CDKAL1: variants seen among roughly 807,000 people sequenced by gnomAD.
CDKAL1 encodes CDKAL1 threonylcarbamoyladenosine tRNA methylthiotransferase, also known as threonylcarbamoyladenosine tRNA methylthiotransferase.
In CDKAL1, 32 loss-of-function variants were observed where a neutral mutation model predicts 68.2. The ratio of observed to expected loss-of-function variants is 0.47; its 90% CI spans 0.35 to 0.63. The LOEUF (loss-of-function observed/expected upper bound fraction) is 0.63. Among genes scored for constraint, CDKAL1 ranks in the 30% least tolerant of loss-of-function variants. CDKAL1 has a pLI of 0.00. For synonymous variants in CDKAL1, 234 were observed against 244.3 expected, an observed-to-expected ratio of 0.96 and a Z score of 0.39; for missense variants, 606 against 696.7, an observed-to-expected ratio of 0.87 and a Z score of 1.47.
chr6:20,945,757 C>G (rs1032099295), intron 9 of CDKAL1, among the ~76,000 whole-genome samples: 1 of 152,200 alleles, frequency 6.6e-6, no homozygotes, highest in Non-Finnish European at 1.5e-5. Flanking sequence ...TTCTTTCCCT[C>G]TAGGTGATAC....
intron 9 of CDKAL1, among the ~76,000 whole-genome samples, chr6:20,920,869 GGCAGTCAGGAA>G: frequency 6.6e-6 from 1 of 152,274 alleles, no homozygotes. Flanking sequence ...TTTGGAATAT[GGCAGTCAGGAA>G]GCAGTGTTAC....
chr6:20,582,130 A>G (rs1398663434), intron 4 of CDKAL1, among the ~76,000 whole-genome samples: 1 of 152,194 alleles, frequency 6.6e-6, no homozygotes, highest in East Asian at 1.9e-4. Context: ...TTACATTTAT[A>G]TGAAGTAAAA....
chr6:20,770,813 A>C (rs1361472437), intron 7 of CDKAL1, among the ~76,000 whole-genome samples: 2 of 152,226 alleles, frequency 1.3e-5, no homozygotes, highest in Non-Finnish European at 2.9e-5. Flanking sequence ...AGTCAAAAGC[A>C]GGAAATCTAG....
chr6:20,874,601 C>T (rs868087400), intron 9 of CDKAL1, among the ~76,000 whole-genome samples: 1 of 151,948 alleles, frequency 6.6e-6, no homozygotes, highest in East Asian at 1.9e-4. Context: ...CTGCAACCTC[C>T]GCCTCCAGGT....
intron 11 of CDKAL1, among the ~76,000 whole-genome samples, chr6:21,006,934 G>A (rs1767756237): frequency 6.6e-6 from 1 of 151,864 alleles, no homozygotes; most frequent in African/African-American, 2.4e-5. Flanking sequence ...CATTTTTCCT[G>A]CCTCAGTGGT....
intron 4 of CDKAL1, among the ~76,000 whole-genome samples, chr6:20,564,380 A>T (rs193301700): frequency 1.3e-5 from 2 of 152,352 alleles, no homozygotes; most frequent in Non-Finnish European, 2.9e-5. Flanking sequence ...ATACCAAAAG[A>T]TGGCACTGTT....
At chr6:20,778,971 A>C (rs894409293) in intron 7 of CDKAL1, among the ~76,000 whole-genome samples, 2 of 152,212 alleles carry the variant, frequency 1.3e-5, no homozygotes, top group Admixed American at 1.3e-4. Context: ...TCAAGTTGAC[A>C]TATAAAATTA....
At chr6:20,711,786 T>C (rs978249882) in intron 5 of CDKAL1, among the ~76,000 whole-genome samples, 1 of 152,226 alleles carries the variant, frequency 6.6e-6, no homozygotes, top group Non-Finnish European at 1.5e-5. Flanking sequence ...AGTGGTGATA[T>C]TGCTGTAATA....
At chr6:20,832,031 G>A (rs1456476460) in intron 8 of CDKAL1, among the ~76,000 whole-genome samples, 2 of 152,164 alleles carry the variant, frequency 1.3e-5, no homozygotes, top group Non-Finnish European at 2.9e-5. Flanking sequence ...TGCGCTGTCT[G>A]TTCATTAGCA....
intron 11 of CDKAL1, among the ~76,000 whole-genome samples, chr6:21,017,960 T>C (rs1768433561): frequency 6.6e-6 from 1 of 152,186 alleles, no homozygotes; most frequent in African/African-American, 2.4e-5. Context: ...CAATAGGAAT[T>C]TGACATTTAT....
chr6:20,986,036 G>A (rs537386231), intron 10 of CDKAL1, among the ~76,000 whole-genome samples: 2 of 152,198 alleles, frequency 1.3e-5, no homozygotes, highest in African/African-American at 4.8e-5. Context: ...AGTCTAAGAT[G>A]TTTTGCTGAT....
At chr6:21,082,092 C>T (rs907600855) in intron 12 of CDKAL1, among the ~76,000 whole-genome samples, 5 of 152,120 alleles carry the variant, frequency 3.3e-5, no homozygotes, top group African/African-American at 1.2e-4. Context: ...CCATTTATTT[C>T]ATAATTAAGG....
intron 4 of CDKAL1, among the ~76,000 whole-genome samples, chr6:20,609,379 T>TCTC (rs1462264231): frequency 1.9e-5 from 2 of 103,290 alleles, no homozygotes; most frequent in African/African-American, 7.3e-5. Flanking sequence ...TTCTCCTTCT[T>TCTC]CTTCTTCTTC....
intron 11 of CDKAL1, among the ~76,000 whole-genome samples, chr6:21,040,911 A>G (rs1246230678): frequency 1.3e-5 from 2 of 152,126 alleles, no homozygotes; most frequent in African/African-American, 2.4e-5. Context: ...TGAGAAACTG[A>G]TAAGACTGCA....
intron 13 of CDKAL1, among the ~76,000 whole-genome samples, chr6:21,180,874 CT>C (rs1777760533): frequency 6.6e-6 from 1 of 152,122 alleles, no homozygotes; most frequent in South Asian, 2.1e-4. Flanking sequence ...AGAAACTTGT[CT>C]TAGTCTTTTT....
At chr6:20,887,134 A>G (rs998999801) in intron 9 of CDKAL1, among the ~76,000 whole-genome samples, 1 of 152,244 alleles carries the variant, frequency 6.6e-6, no homozygotes, top group East Asian at 1.9e-4. Flanking sequence ...ATACTCCTAT[A>G]CATGAAGTAC....
intron 4 of CDKAL1, among the ~76,000 whole-genome samples, chr6:20,563,909 A>T (rs1298447945): frequency 3.3e-5 from 5 of 152,198 alleles, no homozygotes; most frequent in African/African-American, 1.2e-4. Flanking sequence ...TTGGCTCATT[A>T]TCTAAGCTTA....
At chr6:20,650,034 T>G (rs1000044751) in intron 5 of CDKAL1, among the ~76,000 whole-genome samples, 12 of 152,224 alleles carry the variant, frequency 7.9e-5, no homozygotes, top group African/African-American at 2.9e-4. Context: ...TATGTGTGCA[T>G]GTATCTTTTT....
chr6:20,598,931 A>G (rs1765960548), intron 4 of CDKAL1, among the ~76,000 whole-genome samples: 1 of 151,942 alleles, frequency 6.6e-6, no homozygotes, highest in African/African-American at 2.4e-5. Context: ...AGTTTGTTGG[A>G]ATGTTACAAT....
Sources: gnomAD v4.1 joint callset for allele counts (sites outside exome capture counted in the v4.1 genomes callset) on GRCh38, gnomAD v4.1.1 for gene constraint, MANE v1.5 for transcripts, NCBI Gene and HGNC (gene_info 2026-07-23, HGNC 2026-07-21) for gene names.